Variants in FTCD observed in about 807,000 individuals in gnomAD.
FTCD encodes formimidoyltransferase cyclodeaminase.
FTCD carries 76 observed loss-of-function variants against 62.9 expected under a neutral mutation model. That is an observed-to-expected ratio of 1.21 (90% confidence interval 1.00 to 1.46). The LOEUF (loss-of-function observed/expected upper bound fraction) is 1.46. Among genes scored for constraint, FTCD ranks in the 40% most tolerant of loss-of-function variants. The pLI, the probability that FTCD is intolerant of heterozygous loss-of-function variation, is 0.00. For missense variants in FTCD, 845 were observed against 751.3 expected, an observed-to-expected ratio of 1.12 and a Z score of -1.46; for synonymous variants, 397 against 336.9, an observed-to-expected ratio of 1.18 and a Z score of -1.95.
At chr21:46,137,132 G>A (rs956992804) in intron 13 of FTCD, 59 bp from the exon 14 acceptor site, 17 of 1,607,412 alleles carry the variant, frequency 1.1e-5, no homozygotes, top group Non-Finnish European at 1.4e-5. Flanking sequence ...AGCTTGCTGG[G>A]CAGCAACCTC....
At chr21:46,151,114 G>T (rs544059096) in intron 5 of FTCD, among the ~76,000 whole-genome samples, 1 of 152,174 alleles carries the variant, frequency 6.6e-6, no homozygotes, top group Non-Finnish European at 1.5e-5. Context: ...ATCTATACCC[G>T]GAGTGACGCT....
In FTCD at chr21:46,145,867, C is replaced by T. The variant is rs746047395; in HGVS notation, c.1049G>A (p.Arg350His). ...CGAGCCGCCCCCGGGGGCCGCAGAGCGGGCACCCACCTCCCCCACGAAGGC... is the reference window on the plus strand; with the variant it reads ...CGAGCCGCCCCCGGGGGCCGCAGAGTGGGCACCCACCTCCCCCACGAAGGC... ...LRAFVGEVGARSAAPGGGSVA... is the reference protein window; with the variant it reads ...LRAFVGEVGAHSAAPGGGSVA... Residue 350 changes from arginine to histidine, a missense_variant, in exon 9 of 14, where the codon CGC (arginine) becomes CAC (histidine). By Grantham distance (29) the Arg-to-His change is conservative. Transcript: ENST00000397746. 3 of 1,455,982 alleles carry T rather than the reference C, an allele frequency of 2.1e-6. No individual in the cohort carries two copies. Among genetic ancestry groups the T allele is most frequent in the African/African-American group, 1.6e-5 (1 of 62,164 alleles). 90.2% of individuals were successfully genotyped at this position (1,455,982 alleles called of 1,614,324 possible).
At chr21:46,145,731 C>A in intron 9 of FTCD, 87 bp downstream of exon 9, 4 of 445,204 alleles carry the variant, frequency 9.0e-6, no homozygotes, top group Non-Finnish European at 1.5e-5. Flanking sequence ...CCCTCCCCAC[C>A]CCGTGCCCTC....
chr21:46,136,371 G>A (rs906552880), downstream of FTCD: 3 of 1,482,370 alleles, frequency 2.0e-6, no homozygotes, highest in African/African-American at 4.1e-5. Context: ...TGGTTGAAGG[G>A]TGGACGGGAA....
At chr21:46,140,247 C>A (rs1448647997) in intron 10 of FTCD, among the ~76,000 whole-genome samples, 3 of 146,870 alleles carry the variant, frequency 2.0e-5, no homozygotes, top group African/African-American at 7.6e-5. Context: ...GGTGCGTAAA[C>A]CAATGCAGCA....
At chr21:46,137,390 G>A (rs1293535854) in intron 12 of FTCD, 56 bp from the exon 13 acceptor site, 7 of 1,327,580 alleles carry the variant, frequency 5.3e-6, no homozygotes, top group Admixed American at 1.7e-5. Context: ...ACTGCCGGAA[G>A]GAGGGTCTCT....
At chr21:46,136,622 T>C (rs942026634), downstream of FTCD, 4 of 1,498,492 alleles carry the variant, frequency 2.7e-6, no homozygotes, top group Admixed American at 4.3e-5. Context: ...ACTGGGTGTC[T>C]GGGGACCCTG....
Position 46,141,544 on chromosome 21 carries a change from T to C in FTCD, c.1261-2621A>G, listed in dbSNP as rs192601722. Among the ~76,000 whole-genome samples, 646 of 152,310 alleles carry C rather than the reference T, an allele frequency of 4.2e-3. 2 individuals carry two copies. Among genetic ancestry groups the C allele is most frequent in the Non-Finnish European group, 6.5e-3 (444 of 68,014 alleles). ...TTAAAGTATAGAAAAGATCATCTTG[T>C]TCTGGGGAGGCCATTTGAACTGTGA... On this transcript the variant is annotated intron_variant, in intron 10 of 13. Coordinates refer to ENST00000397746, the MANE Select transcript of FTCD (RefSeq NM_206965.2).
intron 10 of FTCD, among the ~76,000 whole-genome samples, chr21:46,145,142 G>C (rs974927928): frequency 3.3e-5 from 5 of 152,228 alleles, no homozygotes; most frequent in South Asian, 4.1e-4. Context: ...TGGCTCCCCT[G>C]CTGGGAGGGG....
At chr21:46,139,259 C>T (rs2078941784) in intron 10 of FTCD, among the ~76,000 whole-genome samples, 1 of 152,148 alleles carries the variant, frequency 6.6e-6, no homozygotes, top group South Asian at 2.1e-4. Flanking sequence ...GGCTCTGGGC[C>T]TGTGTCTCCA....
intron 7 of FTCD, among the ~76,000 whole-genome samples, chr21:46,147,508 A>C (rs2079173880): frequency 6.6e-6 from 1 of 152,194 alleles, no homozygotes; most frequent in East Asian, 1.9e-4. Context: ...CCATAGATAA[A>C]ATTCCACAGA....
intron 2 of FTCD, among the ~76,000 whole-genome samples, 181 bp from the exon 3 acceptor site, chr21:46,153,216 G>A (rs770320181): frequency 1.3e-5 from 2 of 152,194 alleles, no homozygotes; most frequent in Non-Finnish European, 2.9e-5. Context: ...CCCTGCCCCA[G>A]CGGCAGCACC....
chr21:46,142,677 C>A (rs1195121578), intron 10 of FTCD: 1 of 152,218 alleles, frequency 6.6e-6, no homozygotes, highest in African/African-American at 2.4e-5. Context: ...ACAAAGCCCC[C>A]ACAGCTTGGA....
chr21:46,150,133 G>C lies in FTCD; in HGVS notation c.892C>G (p.Gln298Glu). Residue 298 changes from glutamine to glutamate, a missense_variant, in exon 7 of 14, where the codon CAG becomes GAG. Physicochemically the swap from Gln to Glu is conservative, Grantham distance 29. Transcript: ENST00000397746. The part of the protein sequence containing the change: ...KENLFILEEE[Q>E]RIRLVVSRLG... ...GCCCGGCCCACCAGCCTGATCCGCTGCTCCTCCTCCAGGATGAAGAGGTTC... is the reference window on the plus strand; with the variant it reads ...GCCCGGCCCACCAGCCTGATCCGCTCCTCCTCCTCCAGGATGAAGAGGTTC... 2 of 1,611,086 alleles carry C rather than the reference G, an allele frequency of 1.2e-6. No homozygotes were observed. The highest frequency in any genetic ancestry group is 1.7e-6 in the Non-Finnish European group (2 of 1,179,400).
intron 10 of FTCD, among the ~76,000 whole-genome samples, chr21:46,143,911 G>C (rs2079070697): frequency 6.6e-6 from 1 of 152,168 alleles, no homozygotes; most frequent in Admixed American, 6.5e-5. Context: ...GTGATGCTGT[G>C]CTTTAGAGCT....
In FTCD at chr21:46,152,904, C is replaced by A. The variant is rs1015302547; in HGVS notation, c.367+3G>T. On this transcript the variant is annotated splice_donor_region_variant and intron_variant, in intron 3 of 13. Transcript: ENST00000397746. ...AGTGAGGGGGGCGGGGGGGCACGCT[C>A]ACCTGGCACGTCCAGCTCCTCTGCC... 6.4e-7 allele frequency: 1 copy of A among 1,570,576 alleles called. No individual in the cohort carries two copies. The highest frequency in any genetic ancestry group is 8.6e-7 in the Non-Finnish European group (1 of 1,157,926).
chr21:46,142,943 T>C (rs1352944503), intron 10 of FTCD, among the ~76,000 whole-genome samples: 2 of 152,146 alleles, frequency 1.3e-5, no homozygotes, highest in South Asian at 2.1e-4. Flanking sequence ...CCCACCCCAG[T>C]AGCTAGACAC....
rs983285657 is a variant in FTCD, at chr21:46,144,755, C to T, written c.1260+662G>A. 8.2e-5 allele frequency among the ~76,000 whole-genome samples: 11 copies of T among 134,176 alleles called. No homozygotes were observed. In the East Asian group the frequency reaches 1.6e-3, roughly 19 times the overall value. The allele number at this position is 134,176 out of a possible 152,430, so 88.0% of individuals were successfully genotyped here. A position where few individuals can be genotyped will look rare whatever the true frequency, so the allele number is the denominator to read the frequency against. On this transcript the variant is annotated intron_variant, in intron 10 of 13. Transcript: ENST00000397746. ...CCCTCCCTCTCTCTCTCTTTTCTGC[C>T]CTTCCCTCCTGTCCTCTCCTGGGCT... is the stretch of plus-strand genomic sequence containing the variant.
chr21:46,151,555 C>T lies in FTCD; in HGVS notation c.636+3G>A, dbSNP rs1333600747. ...GCTCCATGGGGTCAGTGAACGGGGTCACCTGGTCCTTCCCGCGGCCCTGCT... is the reference window on the plus strand; with the variant it reads ...GCTCCATGGGGTCAGTGAACGGGGTTACCTGGTCCTTCCCGCGGCCCTGCT... On this transcript the variant is annotated splice_donor_region_variant and intron_variant, in intron 5 of 13. Transcript: ENST00000397746. 21 of 1,611,690 alleles carry T rather than the reference C, an allele frequency of 1.3e-5. No homozygotes were observed. The highest frequency in any genetic ancestry group is 1.7e-5 in the Non-Finnish European group (20 of 1,179,142).
Sources: gnomAD v4.1 joint callset for allele counts (sites outside exome capture counted in the v4.1 genomes callset) on GRCh38, gnomAD v4.1.1 for gene constraint, MANE v1.5 for transcripts, NCBI Gene and HGNC (gene_info 2026-07-23, HGNC 2026-07-21) for gene names.